DUT: variants seen among roughly 807,000 people sequenced by gnomAD.
DUT encodes deoxyuridine triphosphatase.
A neutral mutation model predicts 28.8 loss-of-function variants in DUT; 21 were observed. The ratio of observed to expected loss-of-function variants is 0.73; its 90% CI spans 0.52 to 1.05. The LOEUF (loss-of-function observed/expected upper bound fraction) is 1.05. Ranked by LOEUF, DUT falls within the 50% of genes least tolerant of loss-of-function variation. The probability of loss-of-function intolerance (pLI) is 0.00; values close to 1 mark genes in which losing one functional copy is unlikely to be tolerated. For missense variants in DUT, 344 were observed against 351.8 expected (o/e 0.98, Z 0.18); for synonymous variants, 147 against 143.7 (o/e 1.02, Z -0.17).
chr15:48,342,651 C>T lies in DUT; in HGVS notation c.*573C>T, dbSNP rs1490510665. 6.6e-6 allele frequency: 1 copy of T among 152,138 alleles called. No individual in the cohort carries two copies. Among genetic ancestry groups the T allele is most frequent in the Non-Finnish European group, 1.5e-5 (1 of 68,018 alleles). 9.4% of individuals were successfully genotyped at this position (152,138 alleles called of 1,614,324 possible). On this transcript the variant is annotated 3_prime_UTR_variant, in exon 7 of 7. Transcript: ENST00000331200. ...TTGTGATGAGGGTGAGAAAAAGAAT[C>T]CTCAGTTTATTTTTCCACTATTAAT...
Position 48,331,739 on chromosome 15 carries a change from C to T in DUT, c.224C>T (p.Ala75Val). Residue 75 changes from alanine to valine, a missense_variant, in exon 1 of 7, where the codon GCC becomes GTC. Physicochemically the swap from Ala to Val is moderately conservative, Grantham distance 64. Transcript: ENST00000331200. The part of the protein sequence containing the change: ...QGCRGASTVG[A>V]AGWKGELPKA... ...TGCCGCGGAGCCAGTACAGTCGGGG[C>T]CGCTGGCTGGAAGGGCGAGCTTCCT... is the stretch of plus-strand genomic sequence containing the variant. 2 of 1,440,008 alleles carry T rather than the reference C, an allele frequency of 1.4e-6. No homozygotes were observed. Among genetic ancestry groups the T allele is most frequent in the Non-Finnish European group, 9.1e-7 (1 of 1,098,182 alleles). 89.2% of individuals were successfully genotyped at this position (1,440,008 alleles called of 1,614,324 possible). A position where few individuals can be genotyped will look rare whatever the true frequency, so the allele number is the denominator to read the frequency against.
At chr15:48,333,811 C>G (rs2042445507) in intron 2 of DUT, among the ~76,000 whole-genome samples, 1 of 152,232 alleles carries the variant, frequency 6.6e-6, no homozygotes, top group South Asian at 2.1e-4. Context: ...CCCTGCCTGA[C>G]AGATACAACA....
At chr15:48,339,683 A>G (rs887677372) in intron 4 of DUT, among the ~76,000 whole-genome samples, 3 of 152,216 alleles carry the variant, frequency 2.0e-5, no homozygotes, top group Non-Finnish European at 4.4e-5. Context: ...GTCAAGTTCA[A>G]TAATGGATTG....
Position 48,343,142 on chromosome 15 carries a change from T to TATCA in DUT, c.*1065_*1068dup, listed in dbSNP as rs1050424946. On this transcript the variant is annotated 3_prime_UTR_variant, in exon 7 of 7. Transcript: ENST00000331200. Reference sequence around the variant, plus strand: ...TATACACATGGAGTGCTTCTGGAACTATCAGCCCACTTGACCACCCAGTTT... The same window carrying TATCA: ...TATACACATGGAGTGCTTCTGGAACTATCAATCAGCCCACTTGACCACCCAGTTT... 1 of 152,226 alleles carries TATCA rather than the reference T, an allele frequency of 6.6e-6. No homozygotes were observed. Among genetic ancestry groups the TATCA allele is most frequent in the Non-Finnish European group, 1.5e-5 (1 of 68,056 alleles). 9.4% of individuals were successfully genotyped at this position (152,226 alleles called of 1,614,324 possible). A position where few individuals can be genotyped will look rare whatever the true frequency, so the allele number is the denominator to read the frequency against.
intron 4 of DUT, 133 bp downstream of exon 4, chr15:48,336,223 A>G (rs1370446410): frequency 3.0e-6 from 2 of 672,242 alleles, no homozygotes; most frequent in African/African-American, 3.8e-5. Flanking sequence ...TAATAGGAGG[A>G]AAAGCTTTGT....
At chr15:48,337,523 C>T (rs546123144) in intron 4 of DUT, among the ~76,000 whole-genome samples, 6 of 152,242 alleles carry the variant, frequency 3.9e-5, no homozygotes, top group African/African-American at 1.4e-4. Flanking sequence ...GTATGAAATA[C>T]CTAATATAGT....
chr15:48,331,297 C>A (rs28381096), upstream of DUT: 5 of 1,445,350 alleles, frequency 3.5e-6, no homozygotes, highest in East Asian at 1.3e-4. Context: ...CAGCCAGAGG[C>A]GGCAGCAAGA....
intron 4 of DUT, chr15:48,340,333 A>C (rs1421281995): frequency 1.3e-5 from 2 of 151,996 alleles, no homozygotes; most frequent in Non-Finnish European, 2.9e-5. Context: ...TTTTGGAGGG[A>C]GGGTAATGTA....
Position 48,331,560 on chromosome 15 carries a change from T to A in DUT, c.45T>A (p.Leu15=), listed in dbSNP as rs1434306892. The A allele has an allele frequency of 1.2e-6, 2 of 1,609,944 alleles. No homozygotes were observed. Among genetic ancestry groups the A allele is most frequent in the Non-Finnish European group, 1.7e-6 (2 of 1,178,724 alleles). Residue 15 remains leucine, a synonymous_variant, in exon 1 of 7, where the codon CTT becomes CTA. Coordinates refer to ENST00000331200, the MANE Select transcript of DUT (RefSeq NM_001025248.2). ...CPRPALCYHF[L]TSLLRSAMQN... ...GCCCCGCGCTCTGCTACCATTTCCT[T>A]ACGTCTCTGCTTCGCTCAGCGATGC...
At chr15:48,331,347 G>T (rs1462792489), upstream of DUT, 18 of 1,455,432 alleles carry the variant, frequency 1.2e-5, no homozygotes, top group Admixed American at 5.4e-5. Flanking sequence ...GGGCCCCAGG[G>T]CCTGCGCCAT....
chr15:48,339,273 T>C (rs2042506891), intron 4 of DUT, among the ~76,000 whole-genome samples: 1 of 152,078 alleles, frequency 6.6e-6, no homozygotes, highest in African/African-American at 2.4e-5. Context: ...TCAGGGAGGG[T>C]AAGAGAATAT....
chr15:48,341,628 C>A, intron 6 of DUT, 43 bp downstream of exon 6: 1 of 1,448,292 alleles, frequency 6.9e-7, no homozygotes, highest in South Asian at 1.2e-5. Flanking sequence ...AATATAACAT[C>A]TTAAGTGAAG....
Position 48,341,291 on chromosome 15 carries a change from G to A in DUT, c.559G>A (p.Gly187Ser). ...AAKHFIDVGA[G>S]VIDEDYRGNV... The stretch of plus-strand genomic sequence containing the variant: ...AATATTACTTTTCTTTTCTCTAGCT[G>A]GTGTCATAGATGAAGATTATAGAGG... Residue 187 changes from glycine to serine, a missense_variant and splice_region_variant, in exon 5 of 7, where the codon GGT (glycine) becomes AGT (serine). Gly to Ser is a moderately conservative substitution (Grantham distance 56). Coordinates refer to ENST00000331200, the MANE Select transcript of DUT (RefSeq NM_001025248.2). The A allele has an allele frequency of 6.3e-7, 1 of 1,590,380 alleles. No homozygotes were observed. The highest frequency in any genetic ancestry group is 8.5e-7 in the Non-Finnish European group (1 of 1,170,188).
In DUT at chr15:48,332,402, T is replaced by C; in HGVS notation, c.415T>C (p.Tyr139His). 1.9e-6 allele frequency: 3 copies of C among 1,560,474 alleles called. No homozygotes were observed. The highest frequency in any genetic ancestry group is 2.6e-6 in the Non-Finnish European group (3 of 1,158,786). ...CGCGCGCGCCGCGGGCTACGACCTG[T>C]ACAGGTGAGCGGGGACCTGCCGGCG... ...GSARAAGYDL[Y>H]SAYDYTIPPM... The change falls in exon 2 of 7, where the codon TAC (tyrosine) becomes CAC (histidine). Residue 139 changes from tyrosine to histidine, a missense_variant. By Grantham distance (83) the Tyr-to-His change is moderately conservative. Coordinates refer to ENST00000331200, the MANE Select transcript of DUT (RefSeq NM_001025248.2).
At chr15:48,336,179 TAAGAA>T (rs2042473606) in intron 4 of DUT, 89 bp downstream of exon 4, 3 of 1,144,754 alleles carry the variant, frequency 2.6e-6, no homozygotes, top group East Asian at 5.6e-5. Context: ...ATTTTATTTT[TAAGAA>T]AAGAAAATGA....
intron 4 of DUT, among the ~76,000 whole-genome samples, chr15:48,337,119 G>A (rs2042484255): frequency 6.6e-6 from 1 of 152,154 alleles, no homozygotes; most frequent in Non-Finnish European, 1.5e-5. Flanking sequence ...AGTGTCACCA[G>A]GTGGTGCTGT....
At chr15:48,337,538 G>C (rs149419501) in intron 4 of DUT, among the ~76,000 whole-genome samples, 51 of 152,258 alleles carry the variant, frequency 3.3e-4, no homozygotes, top group African/African-American at 1.2e-3. Context: ...TATAGTACTT[G>C]GCACATATTA....
At chr15:48,336,008 C>T in intron 3 of DUT, 38 bp from the exon 4 acceptor site, 1 of 1,574,026 alleles carries the variant, frequency 6.4e-7, no homozygotes. Context: ...TAGCCCTTCC[C>T]CCTTAAAATA....
chr15:48,340,531 C>G (rs969724318), intron 4 of DUT, among the ~76,000 whole-genome samples: 1 of 152,138 alleles, frequency 6.6e-6, no homozygotes, highest in Non-Finnish European at 1.5e-5. Flanking sequence ...ATTATTGGCT[C>G]AAAGATAAAT....
Sources: allele counts gnomAD v4.1 joint callset (sites outside exome capture counted in the v4.1 genomes callset), GRCh38; gene constraint gnomAD v4.1.1; transcripts MANE v1.5; gene names NCBI Gene and HGNC (gene_info 2026-07-23, HGNC 2026-07-21).